Variants in CACNB2 observed in about 807,000 individuals in gnomAD.
CACNB2 encodes the protein calcium voltage-gated channel auxiliary subunit beta 2.
In CACNB2, 42 loss-of-function variants were observed where a neutral mutation model predicts 73.3. The ratio of observed to expected loss-of-function variants is 0.57; its 90% CI spans 0.45 to 0.74. The LOEUF is 0.74. Ranked by LOEUF, CACNB2 falls within the 30% of genes least tolerant of loss-of-function variation. The pLI is 0.00. For synonymous variants in CACNB2, 348 were observed against 310.3 expected (o/e 1.12, Z -1.28); for missense variants, 940 against 853.0 (o/e 1.10, Z -1.27).
At chr10:18,260,735 G>T in intron 2 of CACNB2, 1 of 1,001,032 alleles carries the variant, frequency 1.0e-6, no homozygotes, top group Non-Finnish European at 1.2e-6. Flanking sequence ...TTGTGAAGAA[G>T]GCAATCATAG....
Position 18,231,718 on chromosome 10 carries a change from A to G in CACNB2, c.213+80743A>G, listed in dbSNP as rs953810527. On this transcript the variant is annotated intron_variant, in intron 2 of 13. Coordinates refer to ENST00000324631, the MANE Select transcript of CACNB2 (RefSeq NM_201596.3). ...CTGGATCTATGTGATTCAGGGGTAA[A>G]GCATGCTGAAGACTTAAGTTCTAAA... 2.6e-5 allele frequency among the ~76,000 whole-genome samples: 4 copies of G among 152,218 alleles called. No individual in the cohort carries two copies. In the East Asian group the frequency reaches 7.7e-4, roughly 29 times the overall value.
intron 2 of CACNB2, among the ~76,000 whole-genome samples, chr10:18,273,945 CTTG>C (rs1253276066): frequency 1.3e-5 from 2 of 152,226 alleles, no homozygotes; most frequent in South Asian, 2.1e-4. Context: ...GGAATTTCTT[CTTG>C]TTGTTGTTGG....
At chr10:18,446,540 A>G (rs1221128934) in intron 3 of CACNB2, among the ~76,000 whole-genome samples, 1 of 152,152 alleles carries the variant, frequency 6.6e-6, no homozygotes, top group Non-Finnish European at 1.5e-5. Context: ...ACAAGAGAGG[A>G]GATGGGTGAT....
In CACNB2 at chr10:18,514,302, C is replaced by T. The variant is rs970434690; in HGVS notation, c.737C>T (p.Pro246Leu). The change falls in exon 7 of 14, where the codon CCT (proline) becomes CTT (leucine). Residue 246 changes from proline (P) to leucine (L), a missense_variant. Physicochemically the swap from Pro to Leu is moderately conservative, Grantham distance 98. Coordinates refer to ENST00000324631, the MANE Select transcript of CACNB2 (RefSeq NM_201596.3). ...ENDIPANHRS[P>L]KPSANSVTSP... Reference sequence around the variant, plus strand: ...GATATTCCAGCAAACCACCGCTCCCCTAAACCCAGTGCAAACAGTGTAACG... The same window carrying T: ...GATATTCCAGCAAACCACCGCTCCCTTAAACCCAGTGCAAACAGTGTAACG... 5 of 1,614,034 alleles carry T rather than the reference C, an allele frequency of 3.1e-6. No homozygotes were observed. The highest frequency in any genetic ancestry group is 4.2e-6 in the Non-Finnish European group (5 of 1,180,014).
At chr10:18,419,430 TGAGA>T (rs1344293145) in intron 3 of CACNB2, among the ~76,000 whole-genome samples, 3 of 151,940 alleles carry the variant, frequency 2.0e-5, no homozygotes, top group Admixed American at 6.6e-5. Context: ...TACTTTAAAA[TGAGA>T]GAGAGAGAAG....
At chr10:18,512,217 G>C (rs1306607166) in intron 6 of CACNB2, among the ~76,000 whole-genome samples, 1 of 152,128 alleles carries the variant, frequency 6.6e-6, no homozygotes, top group Non-Finnish European at 1.5e-5. Context: ...ATATCCTCTT[G>C]GGTCCTCGTG....
chr10:18,321,815 C>T (rs878945129), intron 2 of CACNB2, among the ~76,000 whole-genome samples: 3 of 152,106 alleles, frequency 2.0e-5, no homozygotes, highest in Non-Finnish European at 2.9e-5. Context: ...CCCTCTGCCC[C>T]TCTTTTTGAA....
At chr10:18,211,648 A>C (rs1430975321) in intron 2 of CACNB2, among the ~76,000 whole-genome samples, 1 of 152,142 alleles carries the variant, frequency 6.6e-6, no homozygotes, top group Non-Finnish European at 1.5e-5. Flanking sequence ...TTTTCCTGTA[A>C]GATGTATTTA....
At chr10:18,499,375 T>C (rs2050039642) in intron 4 of CACNB2, among the ~76,000 whole-genome samples, 2 of 151,996 alleles carry the variant, frequency 1.3e-5, no homozygotes, top group Admixed American at 1.3e-4. Context: ...CCCAACACTT[T>C]GGGAGGCCAA....
chr10:18,230,559 A>G (rs936406848), intron 2 of CACNB2, among the ~76,000 whole-genome samples: 1 of 152,218 alleles, frequency 6.6e-6, no homozygotes, highest in South Asian at 2.1e-4. Flanking sequence ...TGTGGTACTA[A>G]ATAGGAATAA....
chr10:18,406,388 G>A (rs1180324959), intron 3 of CACNB2, among the ~76,000 whole-genome samples: 1 of 152,200 alleles, frequency 6.6e-6, no homozygotes, highest in East Asian at 1.9e-4. Context: ...GTGAACAGCA[G>A]CAGCCAGACA....
At chr10:18,479,702 TC>T in intron 3 of CACNB2, among the ~76,000 whole-genome samples, 2 of 152,114 alleles carry the variant, frequency 1.3e-5, no homozygotes, top group East Asian at 1.9e-4. Flanking sequence ...TCTCTCTCGC[TC>T]GCTCGCTCTC....
chr10:18,463,698 C>T (rs1035835148), intron 3 of CACNB2, among the ~76,000 whole-genome samples: 1 of 151,884 alleles, frequency 6.6e-6, no homozygotes, highest in Non-Finnish European at 1.5e-5. Flanking sequence ...CCTCCCAAAG[C>T]AGGATTAGAG....
intron 2 of CACNB2, among the ~76,000 whole-genome samples, chr10:18,213,653 A>G (rs953680532): frequency 6.6e-6 from 1 of 152,238 alleles, no homozygotes; most frequent in African/African-American, 2.4e-5. Context: ...TGTGTTTTCA[A>G]CAATACACAT....
At chr10:18,507,742 C>G (rs532982807) in intron 6 of CACNB2, among the ~76,000 whole-genome samples, 1 of 152,078 alleles carries the variant, frequency 6.6e-6, no homozygotes, top group Non-Finnish European at 1.5e-5. Context: ...CAAAATGATA[C>G]TGTGTGTGAT....
intron 2 of CACNB2, among the ~76,000 whole-genome samples, chr10:18,382,835 T>C (rs188150967): frequency 3.9e-5 from 6 of 152,348 alleles, no homozygotes; most frequent in Admixed American, 3.9e-4. Context: ...TTGTGAATAG[T>C]ACTGCAATGT....
intron 2 of CACNB2, among the ~76,000 whole-genome samples, chr10:18,383,322 A>G (rs934431949): frequency 1.3e-5 from 2 of 152,222 alleles, no homozygotes; most frequent in African/African-American, 4.8e-5. Flanking sequence ...GATCTGCTGT[A>G]TGTCTGAAGA....
intron 1 of CACNB2, among the ~76,000 whole-genome samples, chr10:18,144,740 G>A (rs998018968): frequency 6.6e-6 from 1 of 152,176 alleles, no homozygotes; most frequent in Non-Finnish European, 1.5e-5. Flanking sequence ...ATGACATGTT[G>A]CAATGACCAT....
At chr10:18,333,370 AC>A (rs2132029042) in intron 2 of CACNB2, among the ~76,000 whole-genome samples, 1 of 152,242 alleles carries the variant, frequency 6.6e-6, no homozygotes, top group Non-Finnish European at 1.5e-5. Context: ...CTTAAATAGT[AC>A]AGCTTTGGGA....
Sources: allele counts gnomAD v4.1 joint callset (sites outside exome capture counted in the v4.1 genomes callset), GRCh38; gene constraint gnomAD v4.1.1; transcripts MANE v1.5; gene names NCBI Gene and HGNC (gene_info 2026-07-23, HGNC 2026-07-21).